The following FILIP1L variants were observed in gnomAD, a reference collection of about 807,000 sequenced individuals.
The protein encoded by FILIP1L is filamin A-interacting protein 1-like.
In FILIP1L, 55 loss-of-function variants were observed where a neutral mutation model predicts 96.6. The ratio of observed to expected loss-of-function variants is 0.57; its 90% CI spans 0.46 to 0.71. The LOEUF is 0.71. FILIP1L is among the 30% of genes least tolerant of loss of function. The pLI is 0.00. For missense variants in FILIP1L, 1,304 were observed against 1,321.2 expected (o/e 0.99, Z 0.20); for synonymous variants, 467 against 473.9 (o/e 0.99, Z 0.19).
In FILIP1L at chr3:99,917,401, T is replaced by C. The variant is rs1324945801; in HGVS notation, c.605+6829A>G. ...ACACCAGGCACATAGTTTGAGTACC[T>C]AGGAATGATTCTAGGGATATTCTCT... On this transcript the variant is annotated intron_variant, in intron 4 of 5. Coordinates refer to ENST00000477258, the MANE Select transcript of FILIP1L (RefSeq NM_001387850.1). Among the ~76,000 whole-genome samples the C allele has an allele frequency of 5.3e-5, 8 of 152,322 alleles. No individual in the cohort carries two copies. In the East Asian group the frequency reaches 1.5e-3, roughly 29 times the overall value.
chr3:99,904,895 CTT>C (rs1432883076), intron 4 of FILIP1L, among the ~76,000 whole-genome samples: 1 of 152,196 alleles, frequency 6.6e-6, no homozygotes, highest in African/African-American at 2.4e-5. Context: ...TTATTACACT[CTT>C]TACGTCTACA....
intron 5 of FILIP1L, among the ~76,000 whole-genome samples, chr3:99,832,613 C>T (rs1405284975): frequency 1.4e-5 from 2 of 141,516 alleles, no homozygotes; most frequent in African/African-American, 2.6e-5. Flanking sequence ...GAGGCTGAGG[C>T]GGGCGGATCA....
intron 4 of FILIP1L, among the ~76,000 whole-genome samples, chr3:99,918,455 A>T (rs1035741030): frequency 6.6e-6 from 1 of 152,182 alleles, no homozygotes. Flanking sequence ...GTAAGCAATA[A>T]ACTCACTATC....
At chr3:99,943,584 G>A (rs1484536798) in intron 1 of FILIP1L, among the ~76,000 whole-genome samples, 1 of 151,948 alleles carries the variant, frequency 6.6e-6, no homozygotes, top group Non-Finnish European at 1.5e-5. Flanking sequence ...TGCGCCTGTA[G>A]TCCCAGCTAC....
intron 1 of FILIP1L, among the ~76,000 whole-genome samples, chr3:100,112,660 A>G (rs1290705344): frequency 6.6e-6 from 1 of 152,228 alleles, no homozygotes; most frequent in Non-Finnish European, 1.5e-5. Context: ...GTATCTTTGT[A>G]TTGGTTAGTA....
chr3:99,859,669 T>TG (rs1944143426), intron 4 of FILIP1L, among the ~76,000 whole-genome samples: 1 of 152,230 alleles, frequency 6.6e-6, no homozygotes, highest in Admixed American at 6.5e-5. Context: ...TTAACTGTGT[T>TG]GCGTTGATAG....
At chr3:100,011,132 G>A (rs76970661) in intron 1 of FILIP1L, among the ~76,000 whole-genome samples, 3,990 of 152,122 alleles carry the variant, frequency 0.026, 188 homozygotes, top group African/African-American at 0.091. Context: ...CAAAGGAGTC[G>A]TTTCATGACA....
chr3:100,037,641 A>C (rs1313076809), intron 1 of FILIP1L, among the ~76,000 whole-genome samples: 1 of 152,208 alleles, frequency 6.6e-6, no homozygotes, highest in Admixed American at 6.5e-5. Context: ...ACATAGAAAT[A>C]GTGTCCCATA....
At chr3:100,086,889 T>C (rs1344425060) in intron 1 of FILIP1L, among the ~76,000 whole-genome samples, 2 of 152,172 alleles carry the variant, frequency 1.3e-5, no homozygotes, top group Non-Finnish European at 2.9e-5. Context: ...CAACCCCTAG[T>C]AACTACTGAT....
rs141627080 is a variant in FILIP1L, at chr3:99,904,021, G to A, written c.605+20209C>T. 7.2e-3 allele frequency among the ~76,000 whole-genome samples: 1,103 copies of A among 152,294 alleles called. 19 individuals are homozygous for A. The highest frequency in any genetic ancestry group is 0.024 in the African/African-American group (1,017 of 41,570). Reference sequence around the variant, plus strand: ...CCAGGAAGAGTAACTGTTGAGATATGCATCTTGTTTTTCTAAGCAAACACT... The same window carrying A: ...CCAGGAAGAGTAACTGTTGAGATATACATCTTGTTTTTCTAAGCAAACACT... On this transcript the variant is annotated intron_variant, in intron 4 of 5. Coordinates refer to ENST00000477258, the MANE Select transcript of FILIP1L (RefSeq NM_001387850.1).
Position 99,981,636 on chromosome 3 carries a change from A to G in FILIP1L, c.-10-50606T>C, listed in dbSNP as rs1027818500. Among the ~76,000 whole-genome samples, 12 of 152,322 alleles carry G rather than the reference A, an allele frequency of 7.9e-5. No homozygotes were observed. In the South Asian group the frequency reaches 1.0e-3, roughly 13 times the overall value. On this transcript the variant is annotated intron_variant, in intron 1 of 5. Coordinates refer to ENST00000477258, the MANE Select transcript of FILIP1L (RefSeq NM_001387850.1). ...TGAATCCCCGTTTTGCAAGTGGAAA[A>G]TTGACAGTTTCAATAACTTGTCCAA...
chr3:99,909,408 G>A (rs922645057), intron 4 of FILIP1L, among the ~76,000 whole-genome samples: 18 of 152,166 alleles, frequency 1.2e-4, no homozygotes, highest in Admixed American at 2.6e-4. Flanking sequence ...GTCAGGTGAG[G>A]GGGTCTGGGG....
chr3:99,936,135 A>G (rs890395358), intron 1 of FILIP1L, among the ~76,000 whole-genome samples: 2 of 152,094 alleles, frequency 1.3e-5, no homozygotes, highest in African/African-American at 2.4e-5. Context: ...ACTAGAGGAT[A>G]TTTTTGCTTG....
Position 99,849,958 on chromosome 3 carries a change from G to T in FILIP1L, c.1718C>A (p.Ala573Glu), listed in dbSNP as rs774617850. 3.7e-6 allele frequency: 6 copies of T among 1,612,196 alleles called. No individual in the cohort carries two copies. In the Admixed American group the frequency reaches 8.4e-5, roughly 22 times the overall value. The change falls in exon 5 of 6, where the codon GCG becomes GAG. Residue 573 changes from alanine (A) to glutamate (E), a missense_variant. Transcript: ENST00000477258. The stretch of plus-strand genomic sequence containing the variant: ...GAGATCATTTCCTTTCTCTTCTTCC[G>T]CTTTCAATTTGTTTTTTAAATCATC... ...ERDDLKNKLK[A>E]EEEKGNDLLS... is the part of the protein sequence containing the mutation.
chr3:99,875,979 C>A, intron 4 of FILIP1L: 2 of 853,310 alleles, frequency 2.3e-6, no homozygotes, highest in Non-Finnish European at 2.8e-6. Flanking sequence ...GTTTGTGATG[C>A]TGAGACAGCT....
At chr3:99,870,887 G>C (rs543803383) in intron 4 of FILIP1L, among the ~76,000 whole-genome samples, 98 of 152,164 alleles carry the variant, frequency 6.4e-4, no homozygotes, top group Non-Finnish European at 1.1e-3. Flanking sequence ...GAGGCACAGA[G>C]ATTAGAGAAA....
At chr3:100,017,227 A>G (rs1049444594) in intron 1 of FILIP1L, among the ~76,000 whole-genome samples, 9 of 152,234 alleles carry the variant, frequency 5.9e-5, no homozygotes, top group African/African-American at 1.9e-4. Flanking sequence ...CGAGTGCTGG[A>G]GAAAAGTCCC....
chr3:100,085,199 A>T (rs964393037), intron 1 of FILIP1L, among the ~76,000 whole-genome samples: 1 of 152,226 alleles, frequency 6.6e-6, no homozygotes, highest in Admixed American at 6.5e-5. Flanking sequence ...TAAGGTGATT[A>T]TACCGTACAA....
intron 1 of FILIP1L, among the ~76,000 whole-genome samples, chr3:100,106,650 A>C (rs1383271494): frequency 1.3e-5 from 2 of 152,196 alleles, no homozygotes; most frequent in African/African-American, 4.8e-5. Context: ...ATCCAGAAGC[A>C]TATGCATGCT....
Sources: allele counts gnomAD v4.1 joint callset (sites outside exome capture counted in the v4.1 genomes callset), GRCh38; gene constraint gnomAD v4.1.1; transcripts MANE v1.5; gene names NCBI Gene and HGNC (gene_info 2026-07-23, HGNC 2026-07-21).